PDE5A: variants seen among roughly 807,000 people sequenced by gnomAD.
PDE5A encodes the protein phosphodiesterase 5A.
PDE5A carries 67 observed loss-of-function variants against 110.2 expected under a neutral mutation model. The observed-to-expected ratio is 0.61, with a 90% confidence interval of 0.50 to 0.75. The LOEUF (loss-of-function observed/expected upper bound fraction) is 0.75. Among genes scored for constraint, PDE5A ranks in the 30% least tolerant of loss-of-function variants. The pLI is 0.00. For synonymous variants in PDE5A, 328 were observed against 351.2 expected (o/e 0.93, Z 0.74); for missense variants, 862 against 1,045.1 (o/e 0.82, Z 2.42).
chr4:119,565,645 CTT>C (rs574218454), intron 4 of PDE5A, among the ~76,000 whole-genome samples: 82 of 152,058 alleles, frequency 5.4e-4, no homozygotes, highest in African/African-American at 1.9e-3. Context: ...AAGATAAAGA[CTT>C]TATCTCTTTA....
intron 19 of PDE5A, among the ~76,000 whole-genome samples, chr4:119,501,467 TTTTTTA>T (rs1428353696): frequency 6.6e-6 from 1 of 152,112 alleles, no homozygotes; most frequent in African/African-American, 2.4e-5. Context: ...GCCTGGCTGA[TTTTTTA>T]TTTTTATTAG....
Position 119,607,175 on chromosome 4 carries a change from C to A in PDE5A, c.275G>T (p.Ser92Ile). The change falls in exon 2 of 21, where the codon AGT becomes ATT. Residue 92 changes from serine to isoleucine, a missense_variant. By Grantham distance (142) the Ser-to-Ile change is moderately radical. Transcript: ENST00000354960. ...TTTCCTGGTTGGTGTTCCAGGGGCA[C>A]TGTTATCTGCACGAGGACTCTGCTG... ...PLQQSPRADN[S>I]APGTPTRKIS... 1.2e-6 allele frequency: 2 copies of A among 1,614,132 alleles called. No homozygotes were observed. The highest frequency in any genetic ancestry group is 2.7e-5 in the African/African-American group (2 of 75,034).
intron 12 of PDE5A, among the ~76,000 whole-genome samples, chr4:119,523,116 C>T (rs995587136): frequency 6.6e-6 from 1 of 151,998 alleles, no homozygotes; most frequent in Non-Finnish European, 1.5e-5. Flanking sequence ...GAAGTCAAGC[C>T]TAGGGTTCTC....
chr4:119,618,825 T>C (rs944686074), intron 1 of PDE5A, among the ~76,000 whole-genome samples: 3 of 135,604 alleles, frequency 2.2e-5, no homozygotes, highest in Admixed American at 7.4e-5. Context: ...AGGTAATTTA[T>C]GGATTAAATT....
chr4:119,606,844 G>T lies in PDE5A; in HGVS notation c.606C>A (p.Ser202Arg). ...AACCTTCAGCAACATCAAAGAGGCG[G>T]CTGATAAGAAACTTGTCATTGGAGC... ...EDSSNDKFLI[S>R]RLFDVAEGST... The change falls in exon 2 of 21, where the codon AGC becomes AGA. Residue 202 changes from serine (S) to arginine (R), a missense_variant. Ser to Arg is a moderately radical substitution (Grantham distance 110, BLOSUM62 -1). Transcript: ENST00000354960. 1 of 1,614,182 alleles carries T rather than the reference G, an allele frequency of 6.2e-7. No homozygotes were observed. The highest frequency in any genetic ancestry group is 8.5e-7 in the Non-Finnish European group (1 of 1,180,020).
At chr4:119,502,906 T>G (rs770150057) in intron 18 of PDE5A, among the ~76,000 whole-genome samples, 2 of 145,756 alleles carry the variant, frequency 1.4e-5, no homozygotes, top group Non-Finnish European at 3.1e-5. Context: ...TAATTTTATT[T>G]AAAAATGTTT....
At position 119,627,390 on chromosome 4, in the gene PDE5A, G is replaced by T; in HGVS notation, c.152+1130C>A. ...GAGCGACCGGCAGAGCCGCGGCCGCGCGCCGGCGAGTGGGACCCGGGCGTC... is the reference window on the plus strand; with the variant it reads ...GAGCGACCGGCAGAGCCGCGGCCGCTCGCCGGCGAGTGGGACCCGGGCGTC... On this transcript the variant is annotated intron_variant, in intron 1 of 20. Transcript: ENST00000354960. The surrounding 1 kb of genome is among the most constrained non-coding windows in gnomAD (Gnocchi z 4.6). The T allele has an allele frequency of 1.2e-6, 1 of 809,538 alleles. No individual in the cohort carries two copies. Among genetic ancestry groups the T allele is most frequent in the Non-Finnish European group, 1.5e-6 (1 of 668,242 alleles). The allele number at this position is 809,538 out of a possible 1,614,324, so 50.1% of individuals were successfully genotyped here. A position where few individuals can be genotyped will look rare whatever the true frequency, so the allele number is the denominator to read the frequency against.
intron 1 of PDE5A, among the ~76,000 whole-genome samples, chr4:119,625,284 AC>A (rs754340419): frequency 6.6e-6 from 1 of 152,196 alleles, no homozygotes; most frequent in Admixed American, 6.5e-5. Context: ...GGCATGAGCC[AC>A]CGTGCCAGGC....
chr4:119,577,773 G>T (rs1436180858), intron 3 of PDE5A, among the ~76,000 whole-genome samples: 1 of 152,174 alleles, frequency 6.6e-6, no homozygotes, highest in African/African-American at 2.4e-5. Flanking sequence ...TTGAAAACTG[G>T]CACAAGACAG....
At chr4:119,538,655 CA>C (rs1474004536) in intron 11 of PDE5A, 1 of 290,864 alleles carries the variant, frequency 3.4e-6, no homozygotes, top group Non-Finnish European at 6.7e-6. Context: ...TTACCCTAGC[CA>C]AACAACCACC....
chr4:119,530,272 G>C (rs1221387061), intron 11 of PDE5A, among the ~76,000 whole-genome samples: 1 of 152,044 alleles, frequency 6.6e-6, no homozygotes, highest in East Asian at 1.9e-4. Flanking sequence ...TAAATTTTTG[G>C]CTCAAATAAT....
chr4:119,531,513 AG>A (rs1478377404), intron 11 of PDE5A, among the ~76,000 whole-genome samples: 2 of 152,068 alleles, frequency 1.3e-5, no homozygotes, highest in Non-Finnish European at 2.9e-5. Flanking sequence ...CCTGAGCTCA[AG>A]GATCTGTCCA....
chr4:119,552,481 GAAA>G, intron 9 of PDE5A, 66 bp downstream of exon 9: 1 of 540,556 alleles, frequency 1.8e-6, no homozygotes, highest in South Asian at 4.5e-5. Flanking sequence ...ACATTTGAAA[GAAA>G]GAAGTATAGC....
chr4:119,619,247 G>A (rs1231375998), intron 1 of PDE5A, among the ~76,000 whole-genome samples: 2 of 152,026 alleles, frequency 1.3e-5, no homozygotes, highest in Non-Finnish European at 2.9e-5. Flanking sequence ...AATTTGACCT[G>A]GATCCACTAC....
intron 1 of PDE5A, among the ~76,000 whole-genome samples, chr4:119,614,688 T>A (rs963604565): frequency 1.3e-5 from 2 of 152,118 alleles, no homozygotes; most frequent in Non-Finnish European, 2.9e-5. Context: ...TCTAAAACCA[T>A]CCCACATAAT....
chr4:119,505,794 A>AAAT, intron 17 of PDE5A, 61 bp downstream of exon 17: 1 of 981,206 alleles, frequency 1.0e-6, no homozygotes, highest in South Asian at 1.5e-5. Flanking sequence ...AGTGAGGAAA[A>AAAT]AATAGTGAGA....
Position 119,607,022 on chromosome 4 carries a change from T to C in PDE5A, c.428A>G (p.His143Arg), listed in dbSNP as rs1273865685. Residue 143 changes from histidine (H) to arginine (R), a missense_variant, in exon 2 of 21, where the codon CAT (histidine) becomes CGT (arginine). Coordinates refer to ENST00000354960, the MANE Select transcript of PDE5A (RefSeq NM_001083.4). ...QMPLTPPRFD[H>R]DEGDQCSRLL... The stretch of plus-strand genomic sequence containing the variant: ...TCTTGAGCACTGGTCCCCTTCATCA[T>C]GATCAAACCTTGGAGGGGTTAGAGG... 2.5e-6 allele frequency: 4 copies of C among 1,614,216 alleles called. No homozygotes were observed. The East Asian group carries it at 6.7e-5, about 27-fold the overall frequency.
At chr4:119,557,028 T>TCCAATTGTA (rs778954898) in intron 7 of PDE5A, among the ~76,000 whole-genome samples, 1 of 151,350 alleles carries the variant, frequency 6.6e-6, no homozygotes, top group Non-Finnish European at 1.5e-5. Flanking sequence ...AAAGAGTAGC[T>TCCAATTGTA]GACCAATGTC....
intron 1 of PDE5A, among the ~76,000 whole-genome samples, chr4:119,619,662 A>G (rs1730073459): frequency 6.6e-6 from 1 of 152,244 alleles, no homozygotes; most frequent in South Asian, 2.1e-4. Flanking sequence ...GGAAATGCCT[A>G]TCAAAGTTTG....
Sources: allele counts gnomAD v4.1 joint callset (sites outside exome capture counted in the v4.1 genomes callset), GRCh38; gene constraint gnomAD v4.1.1; non-coding constraint Gnocchi (gnomAD v3.1); transcripts MANE v1.5; gene names NCBI Gene and HGNC (gene_info 2026-07-23, HGNC 2026-07-21).